The following ABCB5 variants were observed in gnomAD, a reference collection of about 807,000 sequenced individuals.
The protein encoded by ABCB5 is ATP-binding cassette sub-family B member 5.
A neutral mutation model predicts 144.2 loss-of-function variants in ABCB5; 155 were observed. The ratio of observed to expected loss-of-function variants is 1.08; its 90% CI spans 0.94 to 1.23. ABCB5 has a LOEUF of 1.23. Among genes scored for constraint, ABCB5 ranks in the 50% most tolerant of loss-of-function variants. The pLI, the probability that ABCB5 is intolerant of heterozygous loss-of-function variation, is 0.00. For missense variants in ABCB5, 1,830 were observed against 1,520.8 expected, an observed-to-expected ratio of 1.20 and a Z score of -3.38; for synonymous variants, 610 against 528.6, an observed-to-expected ratio of 1.15 and a Z score of -2.11.
At chr7:20,687,152 G>A (rs536139770) in intron 16 of ABCB5, among the ~76,000 whole-genome samples, 2 of 152,210 alleles carry the variant, frequency 1.3e-5, no homozygotes, top group South Asian at 4.1e-4. Flanking sequence ...CTAGGCAAGA[G>A]TGGAGGAAAC....
rs978101630 is a variant in ABCB5, at chr7:20,756,988, A to G, written c.*1364A>G. On this transcript the variant is annotated 3_prime_UTR_variant, in exon 28 of 28. Transcript: ENST00000404938. Reference sequence around the variant, plus strand: ...GCTGCTTTCTTTAAAATGCAAAATAAAAATAAGATTGGGGACTTGAGAATC... The same window carrying G: ...GCTGCTTTCTTTAAAATGCAAAATAGAAATAAGATTGGGGACTTGAGAATC... The G allele has an allele frequency of 6.6e-6, 1 of 152,382 alleles. No individual in the cohort carries two copies. The highest frequency in any genetic ancestry group is 2.4e-5 in the African/African-American group (1 of 41,466). 9.4% of individuals were successfully genotyped at this position (152,382 alleles called of 1,614,324 possible). A position where few individuals can be genotyped will look rare whatever the true frequency, so the allele number is the denominator to read the frequency against.
At chr7:20,731,048 T>A (rs957430360) in intron 23 of ABCB5, among the ~76,000 whole-genome samples, 32 of 145,366 alleles carry the variant, frequency 2.2e-4, no homozygotes, top group Non-Finnish European at 4.5e-4. Flanking sequence ...TGCTTTGTAA[T>A]CACACCTATA....
chr7:20,729,010 AT>A (rs1430370557), intron 23 of ABCB5, among the ~76,000 whole-genome samples: 1 of 152,166 alleles, frequency 6.6e-6, no homozygotes, highest in African/African-American at 2.4e-5. Context: ...ATGATGTTTA[AT>A]GATCAAATCA....
rs572224419 is a variant in ABCB5 at position 20,667,041 on chromosome 7, G to A, written c.1707+8365G>A. ...GTCACATGAATGATCTAGTAGAGATGTATTTTTCTAGTACACTTGATAGTA... is the reference window on the plus strand; with the variant it reads ...GTCACATGAATGATCTAGTAGAGATATATTTTTCTAGTACACTTGATAGTA... On this transcript the variant is annotated intron_variant, in intron 14 of 27. Transcript: ENST00000404938. The A allele has an allele frequency of 2.9e-4, 164 of 562,932 alleles. 2 individuals carry two copies. In the East Asian group the frequency reaches 8.0e-3, roughly 27 times the overall value. 34.9% of individuals were successfully genotyped at this position (562,932 alleles called of 1,614,324 possible).
At chr7:20,681,429 C>A in intron 14 of ABCB5, 76 bp from the exon 15 acceptor site, 1 of 1,515,578 alleles carries the variant, frequency 6.6e-7, no homozygotes, top group Non-Finnish European at 8.9e-7. Flanking sequence ...GCCGGGTCAA[C>A]AAAGATTTCT....
In ABCB5 at chr7:20,742,825, G is replaced by A. The variant is rs1405478039; in HGVS notation, c.3025-52G>A. The A allele has an allele frequency of 1.6e-5, 25 of 1,581,462 alleles. No individual in the cohort carries two copies. The Middle Eastern group carries it at 6.1e-4, about 39-fold the overall frequency. On this transcript the variant is annotated intron_variant, in intron 24 of 27. Coordinates refer to ENST00000404938, the MANE Select transcript of ABCB5 (RefSeq NM_001163941.2). ...GAACTTGGCCAGTATGCTACAGTGT[G>A]TTACAACCTTCCCAAGTCATTCTTC...
chr7:20,662,680 CAT>C (rs1785040657), intron 14 of ABCB5, among the ~76,000 whole-genome samples: 1 of 151,928 alleles, frequency 6.6e-6, no homozygotes, highest in African/African-American at 2.4e-5. Context: ...ATGCAAAAAA[CAT>C]GATTGGATAT....
chr7:20,659,136 C>G, intron 14 of ABCB5: 5 of 1,613,958 alleles, frequency 3.1e-6, no homozygotes, highest in Non-Finnish European at 4.2e-6. Flanking sequence ...AACCAGCGCC[C>G]TTCGACAGCT....
Position 20,745,089 on chromosome 7 carries a change from C to T in ABCB5, c.3223-143C>T, listed in dbSNP as rs186769071. 15 of 839,724 alleles carry T rather than the reference C, an allele frequency of 1.8e-5. No homozygotes were observed. The East Asian group carries it at 3.4e-4, about 19-fold the overall frequency. 52.0% of individuals were successfully genotyped at this position (839,724 alleles called of 1,614,324 possible). A position where few individuals can be genotyped will look rare whatever the true frequency, so the allele number is the denominator to read the frequency against. ...TTCTATACAACGTATGATTTATGAG[C>T]CTTCCTTGGGTAACTTTATACTTTG... is the stretch of plus-strand genomic sequence containing the variant. On this transcript the variant is annotated intron_variant, in intron 25 of 27. Transcript: ENST00000404938.
At chr7:20,747,018 C>T (rs565907221) in intron 26 of ABCB5, among the ~76,000 whole-genome samples, 3 of 152,294 alleles carry the variant, frequency 2.0e-5, no homozygotes, top group South Asian at 4.2e-4. Flanking sequence ...CTTCTCCATA[C>T]TACATAGTGC....
intron 14 of ABCB5, chr7:20,667,062 T>C (rs1785222760): frequency 1.8e-6 from 1 of 542,366 alleles, no homozygotes; most frequent in Admixed American, 5.4e-5. Context: ...GTACACTTGA[T>C]AGTACCTTGA....
In ABCB5 at chr7:20,645,990, ATTT is replaced by A. The variant is rs769503410; in HGVS notation, c.835_837del (p.Phe279del). The A allele has an allele frequency of 6.2e-7, 1 of 1,613,642 alleles. No homozygotes were observed. The highest frequency in any genetic ancestry group is 8.5e-7 in the Non-Finnish European group (1 of 1,179,786). ...ACACAGAATCTCAAAGATGCAAAGG[ATTT>A]TGGCATAAAAAGGACTATAGCTTCA... On this transcript the variant is annotated inframe_deletion, in exon 9 of 28. Transcript: ENST00000404938.
At chr7:20,716,362 T>C (rs1315299650) in intron 20 of ABCB5, among the ~76,000 whole-genome samples, 1 of 152,184 alleles carries the variant, frequency 6.6e-6, no homozygotes, top group Non-Finnish European at 1.5e-5. Flanking sequence ...ACAATGAATA[T>C]CTTATTCTCA....
At chr7:20,702,598 T>C (rs1483830501) in intron 19 of ABCB5, among the ~76,000 whole-genome samples, 1 of 151,836 alleles carries the variant, frequency 6.6e-6, no homozygotes, top group East Asian at 1.9e-4. Flanking sequence ...AAAAACAAAG[T>C]TTTTAACAAA....
chr7:20,715,130 C>T (rs1396829328), intron 20 of ABCB5, among the ~76,000 whole-genome samples: 1 of 152,070 alleles, frequency 6.6e-6, no homozygotes, highest in Non-Finnish European at 1.5e-5. Context: ...CTGCAACCTT[C>T]ACCTCCTGGG....
intron 21 of ABCB5, among the ~76,000 whole-genome samples, chr7:20,726,358 CTTT>C (rs1172285058): frequency 2.5e-5 from 2 of 78,434 alleles, no homozygotes; most frequent in Admixed American, 4.0e-4. Context: ...TCTCTGCTAT[CTTT>C]TTTTTTTTTT....
intron 27 of ABCB5, among the ~76,000 whole-genome samples, chr7:20,754,602 G>A (rs1264275487): frequency 2.6e-5 from 4 of 152,102 alleles, no homozygotes; most frequent in Non-Finnish European, 5.9e-5. Context: ...TGGCTGAAAT[G>A]CTATGTTAAC....
At chr7:20,636,981 C>T (rs1475824109) in intron 5 of ABCB5, among the ~76,000 whole-genome samples, 2 of 152,088 alleles carry the variant, frequency 1.3e-5, no homozygotes, top group Non-Finnish European at 2.9e-5. Context: ...AGGATACATA[C>T]ATGACAAATA....
rs981148783 is a variant in ABCB5, at chr7:20,753,464, G to A, written c.3534G>A (p.Leu1178=). ...RALLQKPKIL[L]LDEATSALDN... ...TTCTCCAAAAACCCAAAATTTTATT[G>A]TTGGATGAGGCCACTTCAGCCCTCG... The change falls in exon 27 of 28, where the codon TTG becomes TTA. Residue 1178 remains leucine, a synonymous_variant. Transcript: ENST00000404938. 10 of 1,614,032 alleles carry A rather than the reference G, an allele frequency of 6.2e-6. No homozygotes were observed. The highest frequency in any genetic ancestry group is 8.5e-6 in the Non-Finnish European group (10 of 1,179,934).
Sources: gnomAD v4.1 joint callset for allele counts (sites outside exome capture counted in the v4.1 genomes callset) on GRCh38, gnomAD v4.1.1 for gene constraint, MANE v1.5 for transcripts, NCBI Gene and HGNC (gene_info 2026-07-23, HGNC 2026-07-21) for gene names.